Variants in KLHL7 observed in about 807,000 individuals in gnomAD.
The protein encoded by KLHL7 is kelch-like protein 7.
KLHL7 carries 44 observed loss-of-function variants against 67.4 expected under a neutral mutation model. The observed-to-expected ratio is 0.65, with a 90% CI of 0.51 to 0.84. The LOEUF (loss-of-function observed/expected upper bound fraction) is 0.84, where lower values mean the gene tolerates loss of function less well. Among genes scored for constraint, KLHL7 ranks in the 40% least tolerant of loss-of-function variants. The pLI is 0.00. For synonymous variants in KLHL7, 252 were observed against 243.3 expected, an observed-to-expected ratio of 1.04 and a Z score of -0.33; for missense variants, 362 against 718.1, an observed-to-expected ratio of 0.50 and a Z score of 5.67.
At chr7:23,124,358 G>A (rs931757548) in intron 2 of KLHL7, among the ~76,000 whole-genome samples, 2 of 151,898 alleles carry the variant, frequency 1.3e-5, no homozygotes, top group African/African-American at 2.4e-5. Flanking sequence ...TGGATTTGGT[G>A]TTCAGAACTG....
At chr7:23,140,661 T>A in intron 4 of KLHL7, 108 bp from the exon 5 acceptor site, 1 of 866,634 alleles carries the variant, frequency 1.2e-6, no homozygotes. Context: ...GGATCCAGAT[T>A]TATGAAATTT....
In KLHL7 at chr7:23,123,760, A is replaced by G; in HGVS notation, c.121-17A>G. On this transcript the variant is annotated splice_polypyrimidine_tract_variant and intron_variant, in intron 1 of 10. Coordinates refer to ENST00000339077, the MANE Select transcript of KLHL7 (RefSeq NM_001031710.3). Reference sequence around the variant, plus strand: ...TAGTGAGCCTCTTTTTATTTTATGTATTTTTCCTTTGATTAGAAAACGTTG... The same window carrying G: ...TAGTGAGCCTCTTTTTATTTTATGTGTTTTTCCTTTGATTAGAAAACGTTG... 6.4e-7 allele frequency: 1 copy of G among 1,574,352 alleles called. No individual in the cohort carries two copies. The highest frequency in any genetic ancestry group is 1.1e-5 in the South Asian group (1 of 90,130).
chr7:23,144,532 C>T (rs752318089), intron 6 of KLHL7, among the ~76,000 whole-genome samples: 8 of 152,210 alleles, frequency 5.3e-5, no homozygotes, highest in Non-Finnish European at 1.0e-4. Context: ...TGGAAATATG[C>T]CTTGTAGAAC....
intron 7 of KLHL7, among the ~76,000 whole-genome samples, chr7:23,164,966 C>G (rs934214009): frequency 5.3e-5 from 8 of 152,180 alleles, no homozygotes; most frequent in African/African-American, 1.7e-4. Context: ...TAGGGGCATC[C>G]CCCCATGCAC....
chr7:23,121,587 G>A (rs1350345183), intron 1 of KLHL7, among the ~76,000 whole-genome samples: 2 of 151,230 alleles, frequency 1.3e-5, no homozygotes, highest in South Asian at 2.1e-4. Context: ...AGGTGTGAGC[G>A]ACCACACCGA....
At chr7:23,160,176 A>T (rs932528231) in intron 7 of KLHL7, among the ~76,000 whole-genome samples, 1 of 152,242 alleles carries the variant, frequency 6.6e-6, no homozygotes, top group African/African-American at 2.4e-5. Context: ...TTTAAAGTGT[A>T]ATATACCTTG....
At chr7:23,153,726 G>T (rs906343697) in intron 7 of KLHL7, among the ~76,000 whole-genome samples, 1 of 152,200 alleles carries the variant, frequency 6.6e-6, no homozygotes, top group Non-Finnish European at 1.5e-5. Flanking sequence ...AATGCCCCAG[G>T]ATCACAGGCA....
At chr7:23,122,875 G>A (rs1583654507) in intron 1 of KLHL7, among the ~76,000 whole-genome samples, 1 of 152,102 alleles carries the variant, frequency 6.6e-6, no homozygotes, top group African/African-American at 2.4e-5. Context: ...TATATTATTT[G>A]CCTCATATTC....
intron 6 of KLHL7, among the ~76,000 whole-genome samples, chr7:23,144,305 C>T (rs1784285684): frequency 6.6e-6 from 1 of 152,044 alleles, no homozygotes. Context: ...CTAGTGTTTC[C>T]TTTTTTATTT....
chr7:23,124,997 T>G (rs1239782221), intron 3 of KLHL7, 51 bp from the exon 4 acceptor site: 1 of 1,533,402 alleles, frequency 6.5e-7, no homozygotes, highest in South Asian at 1.1e-5. Context: ...CAGTAACATT[T>G]AAATAATAAA....
chr7:23,138,461 TAAAAAAA>T (rs60497553), intron 4 of KLHL7, among the ~76,000 whole-genome samples: 3 of 63,252 alleles, frequency 4.7e-5, no homozygotes, highest in Admixed American at 2.0e-4. Context: ...GACTCCATCT[TAAAAAAA>T]AAAAAAAAAA....
intron 9 of KLHL7, chr7:23,171,250 T>G (rs941507230): frequency 1.0e-5 from 2 of 191,820 alleles, no homozygotes; most frequent in Middle Eastern, 4.7e-4. Flanking sequence ...GTACTCTGCA[T>G]GTGAATTATA....
chr7:23,175,177 C>A lies in KLHL7; in HGVS notation c.*879C>A, dbSNP rs1301986088. 4.4e-6 allele frequency: 2 copies of A among 453,958 alleles called. No individual in the cohort carries two copies. The highest frequency in any genetic ancestry group is 6.9e-5 in the East Asian group (1 of 14,410). 28.1% of individuals were successfully genotyped at this position (453,958 alleles called of 1,614,324 possible). A position where few individuals can be genotyped will look rare whatever the true frequency, so the allele number is the denominator to read the frequency against. On this transcript the variant is annotated 3_prime_UTR_variant, in exon 11 of 11. Transcript: ENST00000339077. ...AACTTCTTTAACGAGATCATGAATT[C>A]TTTTCCCTTAGCCAAAACATGAAAT...
intron 4 of KLHL7, among the ~76,000 whole-genome samples, chr7:23,131,860 C>G (rs1310682521): frequency 6.6e-6 from 1 of 150,864 alleles, no homozygotes; most frequent in Non-Finnish European, 1.5e-5. Context: ...ATGAGTTCAA[C>G]TGTTTTGATT....
intron 10 of KLHL7, among the ~76,000 whole-genome samples, 163 bp from the exon 11 acceptor site, chr7:23,173,852 G>T (rs1049686637): frequency 1.3e-5 from 2 of 152,134 alleles, no homozygotes; most frequent in African/African-American, 2.4e-5. Flanking sequence ...AAGAATTTAG[G>T]TGGTGGCTAT....
rs1191308463 is a variant in KLHL7 at position 23,125,634 on chromosome 7, C to T, written c.442+462C>T. The T allele has an allele frequency of 6.9e-6, 8 of 1,164,982 alleles. No homozygotes were observed. In the East Asian group the frequency reaches 2.1e-4, roughly 30 times the overall value. 72.2% of individuals were successfully genotyped at this position (1,164,982 alleles called of 1,614,324 possible). ...TCTTAGCTACTACACCTTGCTGCCT[C>T]CCCACATTGTCAAAATGCTGTTTTA... is the stretch of plus-strand genomic sequence containing the variant. On this transcript the variant is annotated intron_variant, in intron 4 of 10. Coordinates refer to ENST00000339077, the MANE Select transcript of KLHL7 (RefSeq NM_001031710.3).
intron 6 of KLHL7, among the ~76,000 whole-genome samples, chr7:23,147,540 A>G (rs1183243885): frequency 1.3e-5 from 2 of 152,168 alleles, no homozygotes; most frequent in Non-Finnish European, 2.9e-5. Context: ...TGTTGGTTCT[A>G]TTGACTTATT....
rs1007810523 is a variant in KLHL7, at chr7:23,152,797, G to A, written c.936+588G>A. On this transcript the variant is annotated intron_variant, in intron 7 of 10. Transcript: ENST00000339077. ...AATAGATCATTACTTATAACCTTAA[G>A]ACGGTCCACTCACATTTCTACTCCT... is the stretch of plus-strand genomic sequence containing the variant. 5.0e-4 allele frequency among the ~76,000 whole-genome samples: 76 copies of A among 152,262 alleles called. 1 individual carries two copies. The highest frequency in any genetic ancestry group is 7.2e-4 in the Admixed American group (11 of 15,286).
At position 23,106,245 on chromosome 7, in the gene KLHL7, C is replaced by G. The variant is rs914620462; in HGVS notation, c.120+99C>G. 1.0e-5 allele frequency: 16 copies of G among 1,550,010 alleles called. No individual in the cohort carries two copies. The Middle Eastern group carries it at 1.3e-3, about 122-fold the overall frequency. On this transcript the variant is annotated intron_variant, in intron 1 of 10. Transcript: ENST00000339077. Reference sequence around the variant, plus strand: ...AACCCCGCGCCCTGTGGATCGCGCCCCTCTTTCTCTGTCCTCGCCCCTCCT... The same window carrying G: ...AACCCCGCGCCCTGTGGATCGCGCCGCTCTTTCTCTGTCCTCGCCCCTCCT...
Sources: gnomAD v4.1 joint callset for allele counts (sites outside exome capture counted in the v4.1 genomes callset) on GRCh38, gnomAD v4.1.1 for gene constraint, MANE v1.5 for transcripts, NCBI Gene and HGNC (gene_info 2026-07-23, HGNC 2026-07-21) for gene names.